The following TMEM248 variants were observed in gnomAD, a reference collection of about 807,000 sequenced individuals.
TMEM248 encodes the protein UPF0458 protein C7orf42.
Under a neutral mutation model 30.3 loss-of-function variants are expected in TMEM248, and 9 were observed. The observed-to-expected ratio is 0.30, with a 90% CI of 0.18 to 0.52. The LOEUF (loss-of-function observed/expected upper bound fraction) is 0.52. TMEM248 is among the 20% of genes least tolerant of loss of function. TMEM248 has a pLI of 0.97. For missense variants in TMEM248, 338 were observed against 403.3 expected (o/e 0.84, Z 1.39); for synonymous variants, 184 against 154.4 (o/e 1.19, Z -1.42).
chr7:66,925,687 G>GT (rs143420413), intron 1 of TMEM248, among the ~76,000 whole-genome samples: 6 of 145,632 alleles, frequency 4.1e-5, no homozygotes, highest in Non-Finnish European at 4.5e-5. Context: ...TCTATTTGTA[G>GT]TTTTTTCTTT....
chr7:66,934,035 A>G (rs1231167520), intron 1 of TMEM248, among the ~76,000 whole-genome samples: 1 of 151,824 alleles, frequency 6.6e-6, no homozygotes, highest in Admixed American at 6.6e-5. Flanking sequence ...TGTGACGCTT[A>G]CAGAAATTTT....
At chr7:66,945,654 G>C (rs1353098298) in intron 3 of TMEM248, among the ~76,000 whole-genome samples, 1 of 152,146 alleles carries the variant, frequency 6.6e-6, no homozygotes, top group Non-Finnish European at 1.5e-5. Flanking sequence ...GGAAGAACTA[G>C]AAAATGACTA....
In TMEM248 at chr7:66,957,999, A is replaced by G. The variant is rs1440196495; in HGVS notation, c.*2477A>G. 1 of 152,352 alleles carries G rather than the reference A, an allele frequency of 6.6e-6. No homozygotes were observed. The highest frequency in any genetic ancestry group is 1.5e-5 in the Non-Finnish European group (1 of 68,062). The allele number at this position is 152,352 out of a possible 1,614,324, so 9.4% of individuals were successfully genotyped here. ...CTGGACGAAGAGGCCTAGGACCTGA[A>G]GAGACTCCAGCGAGTCTCGGGAAGC... On this transcript the variant is annotated 3_prime_UTR_variant, in exon 7 of 7. Transcript: ENST00000341567.
chr7:66,945,181 C>A lies in TMEM248; in HGVS notation c.365C>A (p.Pro122Gln). 1 of 1,614,214 alleles carries A rather than the reference C, an allele frequency of 6.2e-7. No individual in the cohort carries two copies. Among genetic ancestry groups the A allele is most frequent in the Non-Finnish European group, 8.5e-7 (1 of 1,180,042 alleles). ...GTCTCAATCACCCTAACCCTGGACC[C>A]ACTGAAACCCTTCGGAGGGTATTCC... ...ISVSITLTLD[P>Q]LKPFGGYSRN... is the part of the protein sequence containing the mutation. Residue 122 changes from proline to glutamine, a missense_variant, in exon 3 of 7, where the codon CCA becomes CAA. Pro to Gln is a moderately conservative substitution (Grantham distance 76, BLOSUM62 -1). Transcript: ENST00000341567.
At chr7:66,946,080 CT>C (rs1792095094) in intron 3 of TMEM248, among the ~76,000 whole-genome samples, 1 of 136,570 alleles carries the variant, frequency 7.3e-6, no homozygotes, top group African/African-American at 2.7e-5. Flanking sequence ...GGGAGACTCT[CT>C]CTCCAAAAAA....
At chr7:66,949,575 A>G (rs1186529802) in intron 4 of TMEM248, among the ~76,000 whole-genome samples, 1 of 144,332 alleles carries the variant, frequency 6.9e-6, no homozygotes, top group East Asian at 2.0e-4. Context: ...TTTAGTTTTA[A>G]ATCAAGTATA....
intron 4 of TMEM248, among the ~76,000 whole-genome samples, chr7:66,949,884 A>G (rs894051451): frequency 7.9e-5 from 12 of 152,164 alleles, no homozygotes; most frequent in African/African-American, 2.9e-4. Context: ...GGTGAAATAC[A>G]TAAGATATAG....
At chr7:66,938,439 T>G (rs756535917) in intron 1 of TMEM248, among the ~76,000 whole-genome samples, 7 of 152,218 alleles carry the variant, frequency 4.6e-5, no homozygotes, top group Non-Finnish European at 1.0e-4. Context: ...ATACTTTAAA[T>G]GGGTGAATTG....
At chr7:66,955,183 A>C (rs550280035) in intron 6 of TMEM248, among the ~76,000 whole-genome samples, 1 of 152,284 alleles carries the variant, frequency 6.6e-6, no homozygotes, top group Admixed American at 6.5e-5. Flanking sequence ...GAATTGCTTG[A>C]GCCCAGAAGT....
At chr7:66,937,925 A>C (rs1316720928) in intron 1 of TMEM248, among the ~76,000 whole-genome samples, 1 of 151,980 alleles carries the variant, frequency 6.6e-6, no homozygotes, top group Non-Finnish European at 1.5e-5. Flanking sequence ...AAAGAAACTG[A>C]CTGTTGGTCA....
At position 66,957,927 on chromosome 7, in the gene TMEM248, A is replaced by G. The variant is rs1257358022; in HGVS notation, c.*2405A>G. The G allele has an allele frequency of 6.6e-6, 1 of 152,302 alleles. No individual in the cohort carries two copies. Among genetic ancestry groups the G allele is most frequent in the African/African-American group, 2.4e-5 (1 of 41,466 alleles). 9.4% of individuals were successfully genotyped at this position (152,302 alleles called of 1,614,324 possible). A position where few individuals can be genotyped will look rare whatever the true frequency, so the allele number is the denominator to read the frequency against. On this transcript the variant is annotated 3_prime_UTR_variant, in exon 7 of 7. Transcript: ENST00000341567. ...AAGATCTTACAGAAACGCAGAGTCAATCAGGTTTATAAAGGAAGGCTGAGG... is the reference window on the plus strand; with the variant it reads ...AAGATCTTACAGAAACGCAGAGTCAGTCAGGTTTATAAAGGAAGGCTGAGG...
rs753877314 is a variant in TMEM248 at position 66,942,029 on chromosome 7, A to G, written c.159+5A>G. ...AAATCCCCAGAAATGGCAGAGGTAT[A>G]GTATGCTCTGACTTCTCCCGGGCTG... On this transcript the variant is annotated splice_donor_5th_base_variant and intron_variant, in intron 2 of 6. Transcript: ENST00000341567. The G allele has an allele frequency of 1.1e-5, 17 of 1,613,268 alleles. No homozygotes were observed. Among genetic ancestry groups the G allele is most frequent in the South Asian group, 2.2e-5 (2 of 90,934 alleles).
intron 5 of TMEM248, chr7:66,951,402 C>G (rs1584416586): frequency 3.0e-6 from 1 of 330,754 alleles, no homozygotes; most frequent in East Asian, 5.0e-5. Flanking sequence ...TGCCTAATCC[C>G]TGGGGGGGGT....
chr7:66,941,694 C>A (rs1791963001), intron 1 of TMEM248, among the ~76,000 whole-genome samples, 154 bp from the exon 2 acceptor site: 1 of 152,046 alleles, frequency 6.6e-6, no homozygotes, highest in African/African-American at 2.4e-5. Flanking sequence ...TCCTTCTAGT[C>A]TTTTGAATGA....
chr7:66,927,942 C>T (rs1232907028), intron 1 of TMEM248, among the ~76,000 whole-genome samples: 3 of 152,098 alleles, frequency 2.0e-5, no homozygotes, highest in African/African-American at 4.8e-5. Flanking sequence ...AGGCTGAGCA[C>T]GGTAGCTCAC....
intron 1 of TMEM248, among the ~76,000 whole-genome samples, chr7:66,926,068 G>T (rs1791516824): frequency 6.6e-6 from 1 of 152,118 alleles, no homozygotes; most frequent in Admixed American, 6.6e-5. Context: ...TTTGATAAAA[G>T]TCATCCTGAC....
At position 66,951,003 on chromosome 7, in the gene TMEM248, C is replaced by T. The variant is rs892427756; in HGVS notation, c.648C>T (p.Tyr216=). Residue 216 remains tyrosine (Y), a synonymous_variant, in exon 5 of 7, where the codon TAC becomes TAT. Coordinates refer to ENST00000341567, the MANE Select transcript of TMEM248 (RefSeq NM_017994.5). ...CGTACAGCAACGCCACGCTCTGGTACAAGATCTTCACAACTGCCAGAGATG... is the reference window on the plus strand; with the variant it reads ...CGTACAGCAACGCCACGCTCTGGTATAAGATCTTCACAACTGCCAGAGATG... ...PDTYSNATLW[Y]KIFTTARDAN... is the part of the protein sequence containing the mutation. 6.2e-7 allele frequency: 1 copy of T among 1,611,952 alleles called. No individual in the cohort carries two copies. Among genetic ancestry groups the T allele is most frequent in the Non-Finnish European group, 8.5e-7 (1 of 1,179,398 alleles).
At chr7:66,932,471 A>G (rs902324238) in intron 1 of TMEM248, among the ~76,000 whole-genome samples, 1 of 149,620 alleles carries the variant, frequency 6.7e-6, no homozygotes, top group Non-Finnish European at 1.5e-5. Flanking sequence ...CCCTGTTCTC[A>G]CCTCGCCAGA....
intron 1 of TMEM248, among the ~76,000 whole-genome samples, 166 bp downstream of exon 1, chr7:66,921,627 G>C (rs1222391304): frequency 3.9e-5 from 6 of 152,054 alleles, no homozygotes; most frequent in African/African-American, 1.4e-4. Context: ...GCCCAGCATC[G>C]GCCGACCTCG....
Sources: gnomAD v4.1 joint callset for allele counts (sites outside exome capture counted in the v4.1 genomes callset) on GRCh38, gnomAD v4.1.1 for gene constraint, MANE v1.5 for transcripts, NCBI Gene and HGNC (gene_info 2026-07-23, HGNC 2026-07-21) for gene names.